Variants in TDP2 observed in about 807,000 individuals in gnomAD.
TDP2 encodes the protein 5'-Tyr-DNA phosphodiesterase.
A neutral mutation model predicts 42.8 loss-of-function variants in TDP2; 38 were observed. That is an observed-to-expected ratio of 0.89 (90% CI 0.68 to 1.16). The LOEUF is 1.16. Among genes scored for constraint, TDP2 ranks in the 50% most tolerant of loss-of-function variants. The pLI is 0.00. For missense variants in TDP2, 439 were observed against 439.3 expected (o/e 1.00, Z 0.01); for synonymous variants, 173 against 150.6 (o/e 1.15, Z -1.09).
In TDP2 at chr6:24,650,516, G is replaced by T; in HGVS notation, c.*272C>A. On this transcript the variant is annotated 3_prime_UTR_variant, in exon 7 of 7. Transcript: ENST00000378198. ...TCAGAGACAATGTGGTACCTGTTTGGAATCCAGCTGGCAGCTATAAGCACC... is the reference window on the plus strand; with the variant it reads ...TCAGAGACAATGTGGTACCTGTTTGTAATCCAGCTGGCAGCTATAAGCACC... 2.4e-6 allele frequency: 1 copy of T among 410,272 alleles called. No homozygotes were observed. Among genetic ancestry groups the T allele is most frequent in the Non-Finnish European group, 4.4e-6 (1 of 229,194 alleles). 25.4% of individuals were successfully genotyped at this position (410,272 alleles called of 1,614,324 possible). A position where few individuals can be genotyped will look rare whatever the true frequency, so the allele number is the denominator to read the frequency against.
intron 2 of TDP2, chr6:24,665,978 G>A: frequency 4.3e-6 from 5 of 1,175,532 alleles, no homozygotes; most frequent in Non-Finnish European, 4.4e-6. Context: ...CTGGAACCTG[G>A]AAAGGCAGGT....
Position 24,653,118 on chromosome 6 carries a change from T to C in TDP2, c.672A>G (p.Thr224=), listed in dbSNP as rs1009787357. Residue 224 remains threonine (T), a synonymous_variant, in exon 6 of 7, where the codon ACA becomes ACG. Coordinates refer to ENST00000378198, the MANE Select transcript of TDP2 (RefSeq NM_016614.3). ...NVSGNELCLM[T]SHLESTRGHA... ...GCCCTCTGGTGCTCTCCAAATGGGA[T>C]GTCATAAGGCAAAGCTCATTTCCTG... The C allele has an allele frequency of 1.2e-6, 2 of 1,614,186 alleles. No individual in the cohort carries two copies. Among genetic ancestry groups the C allele is most frequent in the Non-Finnish European group, 1.7e-6 (2 of 1,180,038 alleles).
intron 6 of TDP2, 81 bp downstream of exon 6, chr6:24,652,902 A>C: frequency 6.7e-7 from 1 of 1,497,612 alleles, no homozygotes; most frequent in Non-Finnish European, 9.2e-7. Context: ...TCCTAGTTTT[A>C]ACAGCTTTGG....
At position 24,658,747 on chromosome 6, in the gene TDP2, G is replaced by C; in HGVS notation, c.252-13C>G. 6.2e-7 allele frequency: 1 copy of C among 1,600,932 alleles called. No homozygotes were observed. Among genetic ancestry groups the C allele is most frequent in the Non-Finnish European group, 8.5e-7 (1 of 1,174,536 alleles). On this transcript the variant is annotated splice_polypyrimidine_tract_variant and intron_variant, in intron 2 of 6. Transcript: ENST00000378198. ...GGTTAGGTCAACACTGGCAAGATCAGAATAAAACATGGCTTTGCAAATAAT... is the reference window on the plus strand; with the variant it reads ...GGTTAGGTCAACACTGGCAAGATCACAATAAAACATGGCTTTGCAAATAAT...
Position 24,666,831 on chromosome 6 carries a change from C to A in TDP2, c.32G>T (p.Arg11Met), listed in dbSNP as rs776653065. 2 of 1,614,126 alleles carry A rather than the reference C, an allele frequency of 1.2e-6. No individual in the cohort carries two copies. The highest frequency in any genetic ancestry group is 1.3e-5 in the African/African-American group (1 of 75,074). The change falls in exon 1 of 7, where the codon AGG (arginine) becomes ATG (methionine). Residue 11 changes from arginine to methionine, a missense_variant. Physicochemically the swap from Arg to Met is moderately conservative, Grantham distance 91 (BLOSUM62 -1). Transcript: ENST00000378198. Reference sequence around the variant, plus strand: ...CTCGCCCTCTTCCTCCGCCGCCTCCCTCCCGCCCTCCAGGCAACTCCCCAA... The same window carrying A: ...CTCGCCCTCTTCCTCCGCCGCCTCCATCCCGCCCTCCAGGCAACTCCCCAA... MELGSCLEGG[R>M]EAAEEEGEPE... is the part of the protein sequence containing the mutation.
chr6:24,654,215 C>G (rs3181238), intron 5 of TDP2, among the ~76,000 whole-genome samples, 197 bp downstream of exon 5: 2 of 151,918 alleles, frequency 1.3e-5, no homozygotes, highest in Non-Finnish European at 2.9e-5. Context: ...CTTAAGAAAA[C>G]AATAGACTGA....
chr6:24,651,231 G>T (rs189628159), intron 6 of TDP2, among the ~76,000 whole-genome samples, 162 bp from the exon 7 acceptor site: 281 of 152,266 alleles, frequency 1.8e-3, no homozygotes, highest in African/African-American at 6.2e-3. Context: ...CTGCATAGTG[G>T]TATGTAATAT....
At chr6:24,654,611 A>AT (rs1778030915) in intron 4 of TDP2, 81 bp from the exon 5 acceptor site, 1 of 732,602 alleles carries the variant, frequency 1.4e-6, no homozygotes, top group Non-Finnish European at 2.4e-6. Flanking sequence ...CTATTGAAGA[A>AT]TTTTATAGCA....
At chr6:24,657,082 T>C (rs1164937792) in intron 4 of TDP2, among the ~76,000 whole-genome samples, 1 of 152,228 alleles carries the variant, frequency 6.6e-6, no homozygotes, top group Non-Finnish European at 1.5e-5. Context: ...CAGTTGACAC[T>C]TGAACAACAC....
chr6:24,663,482 T>C (rs1422650668), intron 2 of TDP2, among the ~76,000 whole-genome samples: 1 of 152,218 alleles, frequency 6.6e-6, no homozygotes, highest in South Asian at 2.1e-4. Flanking sequence ...CATATTGATA[T>C]AGTTTGGATG....
At chr6:24,661,853 T>C (rs908021007) in intron 2 of TDP2, among the ~76,000 whole-genome samples, 1 of 152,162 alleles carries the variant, frequency 6.6e-6, no homozygotes, top group African/African-American at 2.4e-5. Flanking sequence ...TTACTGTGTC[T>C]ATGTAGAAAG....
chr6:24,658,034 C>T, intron 3 of TDP2, 131 bp from the exon 4 acceptor site: 1 of 559,922 alleles, frequency 1.8e-6, no homozygotes. Flanking sequence ...AGTGTTTATG[C>T]TGATCTTTGA....
chr6:24,663,621 T>C (rs1778188753), intron 2 of TDP2, among the ~76,000 whole-genome samples: 1 of 152,106 alleles, frequency 6.6e-6, no homozygotes, highest in Non-Finnish European at 1.5e-5. Flanking sequence ...GATACTGAGT[T>C]CTTCTTGCAA....
rs376099598 is a variant in TDP2 at position 24,652,995 on chromosome 6, T to C, written c.795A>G (p.Leu265=). 6.2e-7 allele frequency: 1 copy of C among 1,613,516 alleles called. No individual in the cohort carries two copies. Among genetic ancestry groups the C allele is most frequent in the Non-Finnish European group, 8.5e-7 (1 of 1,180,008 alleles). The change falls in exon 6 of 7, where the codon CTA becomes CTG. Residue 265 remains leucine, a synonymous_variant. Transcript: ENST00000378198. ...CTTTGTCACTCACCTCTCGATCCCT[T>C]AGATTTGTATCTCCTGCAAATATAA... The part of the protein sequence containing the change: ...ATVIFAGDTN[L]RDREVTRCGG...
chr6:24,657,749 A>T, intron 4 of TDP2, 63 bp downstream of exon 4: 1 of 972,798 alleles, frequency 1.0e-6, no homozygotes. Flanking sequence ...ACCAACTTTG[A>T]TTTATCTCTT....
At chr6:24,663,211 A>C (rs1778182565) in intron 2 of TDP2, among the ~76,000 whole-genome samples, 1 of 152,210 alleles carries the variant, frequency 6.6e-6, no homozygotes. Context: ...TAGCTCACTT[A>C]ATCCTTACAA....
Position 24,666,863 on chromosome 6 carries a change from C to T in TDP2, c.-1G>A, listed in dbSNP as rs749279037. On this transcript the variant is annotated 5_prime_UTR_variant, in exon 1 of 7. Transcript: ENST00000378198. Reference sequence around the variant, plus strand: ...CCTCCAGGCAACTCCCCAACTCCATCTTCCTGCCGCCTCTGCACCGCCCCT... The same window carrying T: ...CCTCCAGGCAACTCCCCAACTCCATTTTCCTGCCGCCTCTGCACCGCCCCT... The T allele has an allele frequency of 1.5e-5, 25 of 1,613,514 alleles. No homozygotes were observed. The highest frequency in any genetic ancestry group is 4.5e-5 in the East Asian group (2 of 44,880).
chr6:24,651,125 A>T (rs1038635375), intron 6 of TDP2, 56 bp from the exon 7 acceptor site: 57 of 103,334 alleles, frequency 5.5e-4, no homozygotes, highest in Non-Finnish European at 6.9e-4. Flanking sequence ...CCACTAACTT[A>T]AAAAAAAAAA....
At chr6:24,661,849 T>A (rs1401285348) in intron 2 of TDP2, among the ~76,000 whole-genome samples, 1 of 152,076 alleles carries the variant, frequency 6.6e-6, no homozygotes, top group Non-Finnish European at 1.5e-5. Flanking sequence ...ACTGTTACTG[T>A]GTCTATGTAG....
Sources: allele counts gnomAD v4.1 joint callset (sites outside exome capture counted in the v4.1 genomes callset), GRCh38; gene constraint gnomAD v4.1.1; transcripts MANE v1.5; gene names NCBI Gene and HGNC (gene_info 2026-07-23, HGNC 2026-07-21).